Variants in CACNA2D3 observed in about 807,000 individuals in gnomAD.
CACNA2D3 encodes the protein calcium voltage-gated channel auxiliary subunit alpha2delta 3.
A neutral mutation model predicts 160.6 loss-of-function variants in CACNA2D3; 60 were observed. The ratio of observed to expected loss-of-function variants is 0.37; its 90% CI spans 0.30 to 0.46. CACNA2D3 has a LOEUF of 0.46. Among genes scored for constraint, CACNA2D3 ranks in the 20% least tolerant of loss-of-function variants. The pLI, the probability that CACNA2D3 is intolerant of heterozygous loss-of-function variation, is 1.00. For synonymous variants in CACNA2D3, 558 were observed against 492.9 expected (o/e 1.13, Z -1.75); for missense variants, 1,205 against 1,365.0 (o/e 0.88, Z 1.85).
At chr3:54,947,624 G>A (rs17054588) in intron 27 of CACNA2D3, among the ~76,000 whole-genome samples, 24,119 of 152,104 alleles carry the variant, frequency 0.16, 2,153 homozygotes, top group African/African-American at 0.24. Context: ...TATGGAGATA[G>A]TGGAGACTTA....
At chr3:54,341,877 G>C (rs922977778) in intron 3 of CACNA2D3, among the ~76,000 whole-genome samples, 2 of 152,102 alleles carry the variant, frequency 1.3e-5, no homozygotes, top group Non-Finnish European at 2.9e-5. Context: ...GGTCAATAAT[G>C]ATAGTACTTG....
chr3:54,412,858 T>G (rs1699692396), intron 4 of CACNA2D3, among the ~76,000 whole-genome samples: 1 of 151,824 alleles, frequency 6.6e-6, no homozygotes, highest in Non-Finnish European at 1.5e-5. Flanking sequence ...CTTTTATATA[T>G]GTTATAAATC....
At position 54,421,394 on chromosome 3, in the gene CACNA2D3, C is replaced by A. The variant is rs536048637; in HGVS notation, c.381+34620C>A. ...GTCGGAGGTGCCTGATAGAGTGAAT[C>A]AGACACTGTTCTTGTGTTTGCTTTT... On this transcript the variant is annotated intron_variant, in intron 4 of 37. Coordinates refer to ENST00000474759, the MANE Select transcript of CACNA2D3 (RefSeq NM_018398.3). Among the ~76,000 whole-genome samples the A allele has an allele frequency of 7.2e-5, 11 of 152,270 alleles. No homozygotes were observed. The East Asian group carries it at 2.1e-3, about 29-fold the overall frequency.
chr3:54,874,934 ATTG>A (rs1449911393), intron 18 of CACNA2D3: 1 of 152,180 alleles, frequency 6.6e-6, no homozygotes. Context: ...TCTGCATGGT[ATTG>A]TTGTGAGTAC....
At chr3:54,231,662 TATTTCTA>T (rs1321114728) in intron 2 of CACNA2D3, among the ~76,000 whole-genome samples, 14 of 152,240 alleles carry the variant, frequency 9.2e-5, no homozygotes, top group Non-Finnish European at 1.9e-4. Flanking sequence ...TTCACCCATA[TATTTCTA>T]GTGTGTAATA....
At position 54,520,053 on chromosome 3, in the gene CACNA2D3, A is replaced by G. The variant is rs78723709; in HGVS notation, c.544+16399A>G. Among the ~76,000 whole-genome samples, 1,376 of 152,368 alleles carry G rather than the reference A, an allele frequency of 9.0e-3. 27 individuals carry two copies. Among genetic ancestry groups the G allele is most frequent in the African/African-American group, 0.031 (1,302 of 41,586 alleles). ...GGCAGATTGCAATATTGTGGAAACT[A>G]AAGTGGCCAGTGGAGACAAAGCTTG... On this transcript the variant is annotated intron_variant, in intron 5 of 37. Coordinates refer to ENST00000474759, the MANE Select transcript of CACNA2D3 (RefSeq NM_018398.3).
intron 5 of CACNA2D3, among the ~76,000 whole-genome samples, chr3:54,545,233 T>A (rs895915631): frequency 5.9e-5 from 9 of 152,246 alleles, no homozygotes; most frequent in East Asian, 1.9e-4. Context: ...TCAAAATTTT[T>A]AAAAATATTT....
intron 5 of CACNA2D3, among the ~76,000 whole-genome samples, chr3:54,552,163 G>A (rs1559510916): frequency 6.6e-6 from 1 of 152,060 alleles, no homozygotes; most frequent in Non-Finnish European, 1.5e-5. Flanking sequence ...CTGCTTTGCA[G>A]CAGAGAACCT....
intron 9 of CACNA2D3, among the ~76,000 whole-genome samples, chr3:54,598,833 T>C (rs1575371494): frequency 6.6e-6 from 1 of 152,296 alleles, no homozygotes; most frequent in East Asian, 1.9e-4. Context: ...ACATAGTCTC[T>C]GAGTAAAATG....
At chr3:54,249,766 T>A (rs906717462) in intron 2 of CACNA2D3, among the ~76,000 whole-genome samples, 18 of 47,422 alleles carry the variant, frequency 3.8e-4, no homozygotes, top group African/African-American at 1.6e-3. Context: ...AAAATTATGT[T>A]TTTTTTTTTT....
intron 2 of CACNA2D3, among the ~76,000 whole-genome samples, chr3:54,184,659 A>G (rs1700847861): frequency 6.6e-6 from 1 of 152,162 alleles, no homozygotes; most frequent in South Asian, 2.1e-4. Flanking sequence ...TATGTGGGTT[A>G]TTATCATACT....
chr3:55,070,587 C>T (rs529163959), intron 35 of CACNA2D3, among the ~76,000 whole-genome samples: 15 of 152,216 alleles, frequency 9.9e-5, no homozygotes, highest in Admixed American at 2.0e-4. Flanking sequence ...TGCAGAGGGA[C>T]ATTAATACTC....
At chr3:54,301,676 C>T (rs1015834739) in intron 2 of CACNA2D3, among the ~76,000 whole-genome samples, 2 of 152,072 alleles carry the variant, frequency 1.3e-5, no homozygotes, top group Non-Finnish European at 2.9e-5. Context: ...TCCACTTTTC[C>T]TTGTTCCCAG....
intron 12 of CACNA2D3, among the ~76,000 whole-genome samples, chr3:54,757,898 C>T (rs971822712): frequency 6.6e-6 from 1 of 152,236 alleles, no homozygotes; most frequent in Non-Finnish European, 1.5e-5. Flanking sequence ...AGCCTGAACT[C>T]TTCATCAGAT....
chr3:54,506,861 G>A (rs913439297), intron 5 of CACNA2D3, among the ~76,000 whole-genome samples: 2 of 152,158 alleles, frequency 1.3e-5, no homozygotes, highest in African/African-American at 4.8e-5. Context: ...TAAAGCAAGA[G>A]GCAGGATGCT....
chr3:54,350,992 T>TTTTTTTTTTTTTTTTTTTG (rs1559457861), intron 3 of CACNA2D3, among the ~76,000 whole-genome samples: 2 of 111,032 alleles, frequency 1.8e-5, no homozygotes, highest in Admixed American at 9.6e-5. Context: ...GTTTGTTTTT[T>TTTTTTTTTTTTTTTTTTTG]TTTTTTTTTT....
At position 54,144,050 on chromosome 3, in the gene CACNA2D3, A is replaced by G. The variant is rs894996032; in HGVS notation, c.204+20456A>G. ...AATGTACCAGATGATACAAAAAGAAAGAAATTTCTGAATCTTATGATGCAA... is the reference window on the plus strand; with the variant it reads ...AATGTACCAGATGATACAAAAAGAAGGAAATTTCTGAATCTTATGATGCAA... On this transcript the variant is annotated intron_variant, in intron 2 of 37. Coordinates refer to ENST00000474759, the MANE Select transcript of CACNA2D3 (RefSeq NM_018398.3). 2.6e-5 allele frequency among the ~76,000 whole-genome samples: 4 copies of G among 152,352 alleles called. No homozygotes were observed. In the South Asian group the frequency reaches 8.3e-4, roughly 32 times the overall value.
intron 11 of CACNA2D3, among the ~76,000 whole-genome samples, chr3:54,647,636 G>A (rs1699677454): frequency 6.6e-6 from 1 of 152,142 alleles, no homozygotes; most frequent in African/African-American, 2.4e-5. Context: ...AAGGAAGTTG[G>A]GGAACAGACC....
chr3:54,385,911 T>G (rs1256360167), intron 3 of CACNA2D3: 1 of 506,966 alleles, frequency 2.0e-6, no homozygotes, highest in Non-Finnish European at 3.9e-6. Context: ...CAGTGAAATA[T>G]TATTTCACCA....
Sources: gnomAD v4.1 joint callset for allele counts (sites outside exome capture counted in the v4.1 genomes callset) on GRCh38, gnomAD v4.1.1 for gene constraint, MANE v1.5 for transcripts, NCBI Gene and HGNC (gene_info 2026-07-23, HGNC 2026-07-21) for gene names.